Variants in KYAT3 observed in about 807,000 individuals in gnomAD.
The protein encoded by KYAT3 is kynurenine--oxoglutarate transaminase 3.
KYAT3 carries 50 observed loss-of-function variants against 59.0 expected under a neutral mutation model. The observed-to-expected ratio is 0.85, with a 90% confidence interval of 0.68 to 1.07. KYAT3 has a LOEUF of 1.07. KYAT3 is among the 50% of genes least tolerant of loss of function. The probability of loss-of-function intolerance (pLI) is 0.00; values close to 1 mark genes in which losing one functional copy is unlikely to be tolerated. For missense variants in KYAT3, 497 were observed against 533.3 expected (o/e 0.93, Z 0.67); for synonymous variants, 148 against 177.0 (o/e 0.84, Z 1.30).
rs1675952765 is a variant in KYAT3, at chr1:88,957,096, A to G, written c.788-1871T>C. ...TAAGGCAGCTACAGAAATTTCCAAA[A>G]CAACGTATAAGTAATTTCAGTCTAC... On this transcript the variant is annotated intron_variant, in intron 8 of 13. Transcript: ENST00000260508. Among the ~76,000 whole-genome samples, 6 of 152,222 alleles carry G rather than the reference A, an allele frequency of 3.9e-5. No individual in the cohort carries two copies. The South Asian group carries it at 1.2e-3, about 31-fold the overall frequency.
In KYAT3 at chr1:88,982,905, T is replaced by G. The variant is rs1227479386; in HGVS notation, c.99+5347A>C. ...GAGCTGCTATAATCATCATAGCGAC[T>G]GCTTCCACCATAAGATGGCGGGGGC... On this transcript the variant is annotated intron_variant, in intron 2 of 13. Transcript: ENST00000260508. 1 of 1,613,912 alleles carries G rather than the reference T, an allele frequency of 6.2e-7. No individual in the cohort carries two copies. The highest frequency in any genetic ancestry group is 1.7e-5 in the Admixed American group (1 of 59,996).
chr1:88,961,925 C>T (rs1676161501), intron 6 of KYAT3, 134 bp downstream of exon 6: 1 of 668,642 alleles, frequency 1.5e-6, no homozygotes, highest in African/African-American at 1.8e-5. Flanking sequence ...AAAAAGACAA[C>T]TAGACAAATA....
intron 2 of KYAT3, among the ~76,000 whole-genome samples, chr1:88,984,455 G>A (rs1213162465): frequency 6.6e-6 from 1 of 152,074 alleles, no homozygotes; most frequent in African/African-American, 2.4e-5. Context: ...CAAGTGATCC[G>A]CCTGCCTCGG....
At chr1:88,989,457 A>G (rs1677657088) in intron 1 of KYAT3, among the ~76,000 whole-genome samples, 1 of 152,210 alleles carries the variant, frequency 6.6e-6, no homozygotes, top group African/African-American at 2.4e-5. Flanking sequence ...GAATAAATTA[A>G]TAAGGTTTGA....
chr1:88,931,707 A>C (rs1557675230), downstream of KYAT3, among the ~76,000 whole-genome samples: 1 of 151,712 alleles, frequency 6.6e-6, no homozygotes, highest in Non-Finnish European at 1.5e-5. Flanking sequence ...GCTCAGTAAA[A>C]TGCTAATTAG....
chr1:88,961,944 C>T (rs1676162465), intron 6 of KYAT3, 115 bp downstream of exon 6: 8 of 737,578 alleles, frequency 1.1e-5, no homozygotes, highest in South Asian at 9.8e-5. Context: ...TAGAGATATA[C>T]AGGAAATCTC....
chr1:88,936,402 C>T (rs933916723), intron 13 of KYAT3, among the ~76,000 whole-genome samples, 157 bp from the exon 14 acceptor site: 2 of 152,080 alleles, frequency 1.3e-5, no homozygotes, highest in African/African-American at 4.8e-5. Flanking sequence ...GAACCCAAAA[C>T]AGGAAAACAG....
chr1:88,968,882 T>C (rs930175123), intron 3 of KYAT3, 68 bp from the exon 4 acceptor site: 26 of 1,203,736 alleles, frequency 2.2e-5, no homozygotes, highest in Middle Eastern at 4.7e-4. Flanking sequence ...TTATATCTTA[T>C]AGTCTTACCA....
intron 8 of KYAT3, among the ~76,000 whole-genome samples, chr1:88,956,675 G>C (rs1385280697): frequency 6.6e-6 from 1 of 152,188 alleles, no homozygotes; most frequent in Non-Finnish European, 1.5e-5. Flanking sequence ...CTGAGACATA[G>C]AAGACCACAT....
At chr1:88,931,037 C>G (rs950937417), downstream of KYAT3, among the ~76,000 whole-genome samples, 1 of 152,164 alleles carries the variant, frequency 6.6e-6, no homozygotes, top group African/African-American at 2.4e-5. Flanking sequence ...CTCATGAGGA[C>G]ATAGTTTCCT....
chr1:88,985,104 A>G (rs1677371607), intron 2 of KYAT3, among the ~76,000 whole-genome samples: 1 of 152,268 alleles, frequency 6.6e-6, no homozygotes, highest in Non-Finnish European at 1.5e-5. Context: ...CTGAAAGCTG[A>G]TAACAGCTAA....
chr1:88,930,575 A>G, the KYAT3 span, among the ~76,000 whole-genome samples: 1 of 152,204 alleles, frequency 6.6e-6, no homozygotes, highest in East Asian at 1.9e-4. Context: ...TGGTAATGGA[A>G]TACTTGAAAG....
At chr1:88,945,797 C>T (rs1344462488) in intron 11 of KYAT3, among the ~76,000 whole-genome samples, 1 of 152,076 alleles carries the variant, frequency 6.6e-6, no homozygotes, top group Non-Finnish European at 1.5e-5. Context: ...TATCACATTG[C>T]AAATGAAGCA....
intron 2 of KYAT3, among the ~76,000 whole-genome samples, chr1:88,970,597 A>T (rs1407464331): frequency 6.6e-6 from 1 of 152,224 alleles, no homozygotes; most frequent in Non-Finnish European, 1.5e-5. Flanking sequence ...TTATAAATTT[A>T]GGATAAGCCT....
chr1:88,940,362 G>A (rs1435899036), intron 13 of KYAT3, among the ~76,000 whole-genome samples: 5 of 152,172 alleles, frequency 3.3e-5, no homozygotes, highest in Non-Finnish European at 2.9e-5. Context: ...GTGAGCCACC[G>A]CACCTGGCCC....
chr1:88,928,898 A>T, the KYAT3 span, among the ~76,000 whole-genome samples: 1 of 152,078 alleles, frequency 6.6e-6, no homozygotes, highest in Non-Finnish European at 1.5e-5. Flanking sequence ...CTGTTTTCAC[A>T]TGCTTTTCTA....
chr1:88,924,684 T>C, the KYAT3 span, among the ~76,000 whole-genome samples: 1 of 152,242 alleles, frequency 6.6e-6, no homozygotes, highest in Non-Finnish European at 1.5e-5. Context: ...GCAGACTCGC[T>C]GCTGACTTCC....
intron 2 of KYAT3, chr1:88,983,227 G>A (rs1570840597): frequency 6.2e-7 from 1 of 1,613,286 alleles, no homozygotes; most frequent in Non-Finnish European, 8.5e-7. Flanking sequence ...CTCTACGAGA[G>A]GGGAGCGGTT....
rs1182404682 is a variant in KYAT3, at chr1:88,968,556, C to T, written c.303+114G>A. The T allele has an allele frequency of 5.0e-6, 4 of 805,422 alleles. No individual in the cohort carries two copies. The African/African-American group carries it at 7.2e-5, about 14-fold the overall frequency. The allele number at this position is 805,422 out of a possible 1,614,324, so 49.9% of individuals were successfully genotyped here. ...TTCTGTGGTTGCTAGGATGGGACAG[C>T]TGGTCCCAGAAAGTCACTTATATAT... is the stretch of plus-strand genomic sequence containing the variant. On this transcript the variant is annotated intron_variant, in intron 4 of 13. Coordinates refer to ENST00000260508, the MANE Select transcript of KYAT3 (RefSeq NM_001008661.3).
Sources: gnomAD v4.1 joint callset for allele counts (sites outside exome capture counted in the v4.1 genomes callset) on GRCh38, gnomAD v4.1.1 for gene constraint, MANE v1.5 for transcripts, NCBI Gene and HGNC (gene_info 2026-07-23, HGNC 2026-07-21) for gene names.